The following SMTNL2 variants were observed in gnomAD, a reference collection of about 807,000 sequenced individuals.
SMTNL2 encodes the protein smoothelin like 2, also known as smoothelin-like protein 2.
In SMTNL2, 43 loss-of-function variants were observed where a neutral mutation model predicts 44.1. The ratio of observed to expected loss-of-function variants is 0.98; its 90% CI spans 0.76 to 1.26. The LOEUF is 1.26. Among genes scored for constraint, SMTNL2 ranks in the 50% most tolerant of loss-of-function variants. The pLI is 0.00. For synonymous variants in SMTNL2, 317 were observed against 287.6 expected (o/e 1.10, Z -1.03); for missense variants, 646 against 670.2 (o/e 0.96, Z 0.40).
chr17:4,594,945 C>T (rs1363493890), intron 4 of SMTNL2, 200 bp from the exon 5 acceptor site: 3 of 675,916 alleles, frequency 4.4e-6, no homozygotes, highest in Non-Finnish European at 7.5e-6. Flanking sequence ...TGAGTTGAGC[C>T]TATTGGCCAG....
At chr17:4,590,329 C>T (rs568256633) in intron 1 of SMTNL2, among the ~76,000 whole-genome samples, 4 of 152,138 alleles carry the variant, frequency 2.6e-5, no homozygotes, top group Non-Finnish European at 4.4e-5. Flanking sequence ...TCTTCAGGGG[C>T]TCCTCCTACG....
chr17:4,589,938 C>CTTTTTTTTTT (rs780984262), intron 1 of SMTNL2, among the ~76,000 whole-genome samples: 1 of 59,792 alleles, frequency 1.7e-5, no homozygotes. Flanking sequence ...ACGCACCTGG[C>CTTTTTTTTTT]TTTTTTTTTT....
Position 4,592,942 on chromosome 17 carries a change from A to G in SMTNL2, c.501A>G (p.Gly167=). The G allele has an allele frequency of 6.2e-7, 1 of 1,611,518 alleles. No homozygotes were observed. The highest frequency in any genetic ancestry group is 8.5e-7 in the Non-Finnish European group (1 of 1,178,328). Residue 167 remains glycine, a synonymous_variant, in exon 3 of 8, where the codon GGA becomes GGG. Coordinates refer to ENST00000389313, the MANE Select transcript of SMTNL2 (RefSeq NM_001114974.2). The surrounding 1 kb of genome is among the most constrained non-coding windows in gnomAD (Gnocchi z 4.5). The stretch of plus-strand genomic sequence containing the variant: ...CACATGTTCCAGGTCCAGGCGATGG[A>G]CCCCCTGAGATTGCCCAAAACTTCT... ...GHQPGAGPGD[G]PPEIAQNFSA...
chr17:4,604,604 TA>T (rs1460832054), intron 7 of SMTNL2, among the ~76,000 whole-genome samples: 1 of 152,138 alleles, frequency 6.6e-6, no homozygotes, highest in Non-Finnish European at 1.5e-5. Context: ...ACAAGATGCA[TA>T]AAGACACATT....
chr17:4,585,012 C>A lies in SMTNL2; in HGVS notation c.399+8C>A. On this transcript the variant is annotated splice_region_variant and intron_variant, in intron 1 of 7. Transcript: ENST00000389313. ...CTGTCCGGCCGCGGCCAGGTGAGCC[C>A]GGGGGAGCGCGTGCGCTGGCGCCAG... is the stretch of plus-strand genomic sequence containing the variant. The A allele has an allele frequency of 7.6e-7, 1 of 1,321,064 alleles. No individual in the cohort carries two copies. The highest frequency in any genetic ancestry group is 2.0e-5 in the South Asian group (1 of 50,652). The allele number at this position is 1,321,064 out of a possible 1,614,324, so 81.8% of individuals were successfully genotyped here. A position where few individuals can be genotyped will look rare whatever the true frequency, so the allele number is the denominator to read the frequency against.
chr17:4,607,412 G>A lies in SMTNL2; in HGVS notation c.1311G>A (p.Met437Ile). 1 of 1,614,190 alleles carries A rather than the reference G, an allele frequency of 6.2e-7. No individual in the cohort carries two copies. The highest frequency in any genetic ancestry group is 8.5e-7 in the Non-Finnish European group (1 of 1,180,042). The change falls in exon 8 of 8, where the codon ATG becomes ATA. Residue 437 changes from methionine to isoleucine, a missense_variant. Transcript: ENST00000389313. This position sits in a 1 kb window ranked among gnomAD's most constrained non-coding sequence, Gnocchi z 4.7. ...TCGAAGTGGAGGACATGATGGTGAT[G>A]GGCCGCAAGCCGGACCCCATGTGTG... ...RLIEVEDMMV[M>I]GRKPDPMCVF...
Position 4,596,937 on chromosome 17 carries a change from T to C in SMTNL2, c.1067T>C (p.Ile356Thr). ...GCCAGCGCCAGCAGCATCAAGCAGATCCTGCTCGAGTGGTGCCGCAGCAAG... is the reference window on the plus strand; with the variant it reads ...GCCAGCGCCAGCAGCATCAAGCAGACCCTGCTCGAGTGGTGCCGCAGCAAG... The part of the protein sequence containing the change: ...GVASASSIKQ[I>T]LLEWCRSKTL... Residue 356 changes from isoleucine (I) to threonine (T), a missense_variant, in exon 6 of 8, where the codon ATC (isoleucine) becomes ACC (threonine). Physicochemically the swap from Ile to Thr is moderately conservative, Grantham distance 89. Coordinates refer to ENST00000389313, the MANE Select transcript of SMTNL2 (RefSeq NM_001114974.2). 6.5e-7 allele frequency: 1 copy of C among 1,527,430 alleles called. No homozygotes were observed. The highest frequency in any genetic ancestry group is 8.8e-7 in the Non-Finnish European group (1 of 1,131,166). 94.6% of individuals were successfully genotyped at this position (1,527,430 alleles called of 1,614,324 possible). A position where few individuals can be genotyped will look rare whatever the true frequency, so the allele number is the denominator to read the frequency against.
upstream of SMTNL2, chr17:4,584,404 C>T: frequency 2.2e-6 from 1 of 458,072 alleles, no homozygotes; most frequent in Non-Finnish European, 3.4e-6. Flanking sequence ...GCTCTCCCTC[C>T]GCACCGTCCC....
intron 5 of SMTNL2, 124 bp from the exon 6 acceptor site, chr17:4,596,735 TG>T: frequency 1.3e-6 from 1 of 785,848 alleles, no homozygotes; most frequent in Admixed American, 3.4e-5. Context: ...GCATCTCCCC[TG>T]GGTGAGCAGA....
At chr17:4,591,106 G>C (rs1597410076) in intron 1 of SMTNL2, among the ~76,000 whole-genome samples, 1 of 152,142 alleles carries the variant, frequency 6.6e-6, no homozygotes, top group South Asian at 2.1e-4. Context: ...TGCCCCACTG[G>C]GTCAGATGAA....
Position 4,592,231 on chromosome 17 carries a change from C to G in SMTNL2, c.400-130C>G. ...TGTGACTTGGCCCGTCACTTTCTTC[C>G]TGGGGGCTGTTTTCTCTCAACATGA... On this transcript the variant is annotated intron_variant, in intron 1 of 7. Coordinates refer to ENST00000389313, the MANE Select transcript of SMTNL2 (RefSeq NM_001114974.2). The surrounding 1 kb of genome is among the most constrained non-coding windows in gnomAD (Gnocchi z 4.5). 1 of 838,500 alleles carries G rather than the reference C, an allele frequency of 1.2e-6. No individual in the cohort carries two copies. The highest frequency in any genetic ancestry group is 1.9e-6 in the Non-Finnish European group (1 of 528,080). The allele number at this position is 838,500 out of a possible 1,614,324, so 51.9% of individuals were successfully genotyped here.
At position 4,596,966 on chromosome 17, in the gene SMTNL2, CT is replaced by C; in HGVS notation, c.1097del (p.Leu366ArgfsTer38). On this transcript the variant is annotated frameshift_variant, in exon 6 of 8. Transcript: ENST00000389313. LOFTEE classifies it high-confidence loss of function. ...GCTCGAGTGGTGCCGCAGCAAGACG[CT>C]GGGCTACCAGGTGAGCCCCGGCTCC... ...ILLEWCRSKT[L>X]GYQHVDLQNF... The C allele has an allele frequency of 6.6e-7, 1 of 1,514,020 alleles. No homozygotes were observed. 93.8% of individuals were successfully genotyped at this position (1,514,020 alleles called of 1,614,324 possible).
intron 1 of SMTNL2, among the ~76,000 whole-genome samples, chr17:4,590,627 G>A (rs1909535374): frequency 6.6e-6 from 1 of 152,086 alleles, no homozygotes; most frequent in African/African-American, 2.4e-5. Flanking sequence ...CCAAGTCTGG[G>A]CTTGGGAGAG....
Position 4,598,763 on chromosome 17 carries a change from G to T in SMTNL2, c.1259+1440G>T, listed in dbSNP as rs1282186925. On this transcript the variant is annotated intron_variant, in intron 7 of 7. Transcript: ENST00000389313. This position sits in a 1 kb window ranked among gnomAD's most constrained non-coding sequence, Gnocchi z 4.8. ...TGTTAGAACCCAAGAGAAAGAGGTT[G>T]CAGTGAGCTGAGATCGCACCACTGT... Among the ~76,000 whole-genome samples, 3 of 152,000 alleles carry T rather than the reference G, an allele frequency of 2.0e-5. No homozygotes were observed. Among genetic ancestry groups the T allele is most frequent in the African/African-American group, 7.2e-5 (3 of 41,384 alleles).
intron 7 of SMTNL2, among the ~76,000 whole-genome samples, chr17:4,604,652 G>A (rs1910192826): frequency 6.6e-6 from 1 of 152,118 alleles, no homozygotes; most frequent in Non-Finnish European, 1.5e-5. Flanking sequence ...CACTGGGAGG[G>A]ACAGCAGAGG....
chr17:4,589,938 C>CTTTTTTT (rs780984262), intron 1 of SMTNL2, among the ~76,000 whole-genome samples: 2 of 59,792 alleles, frequency 3.3e-5, no homozygotes, highest in African/African-American at 7.0e-5. Flanking sequence ...ACGCACCTGG[C>CTTTTTTT]TTTTTTTTTT....
intron 1 of SMTNL2, among the ~76,000 whole-genome samples, chr17:4,589,542 C>T (rs914342183): frequency 5.9e-5 from 9 of 152,138 alleles, no homozygotes; most frequent in Non-Finnish European, 4.4e-5. Context: ...CCTGGCCTCT[C>T]CTCCTCCCAC....
In SMTNL2 at chr17:4,584,815, G is replaced by A; in HGVS notation, c.210G>A (p.Leu70=). ...VADLQRDNQR[L]QAQLERLTRQ... Reference sequence around the variant, plus strand: ...ACCTGCAGCGGGACAACCAGCGGCTGCAGGCGCAGCTCGAGCGCCTGACGC... The same window carrying A: ...ACCTGCAGCGGGACAACCAGCGGCTACAGGCGCAGCTCGAGCGCCTGACGC... Residue 70 remains leucine, a synonymous_variant, in exon 1 of 8, where the codon CTG becomes CTA. Transcript: ENST00000389313. 1 of 1,326,958 alleles carries A rather than the reference G, an allele frequency of 7.5e-7. No individual in the cohort carries two copies. Among genetic ancestry groups the A allele is most frequent in the South Asian group, 1.9e-5 (1 of 53,146 alleles). 82.2% of individuals were successfully genotyped at this position (1,326,958 alleles called of 1,614,324 possible). A position where few individuals can be genotyped will look rare whatever the true frequency, so the allele number is the denominator to read the frequency against.
At chr17:4,605,679 A>G (rs1288475242) in intron 7 of SMTNL2, among the ~76,000 whole-genome samples, 2 of 152,216 alleles carry the variant, frequency 1.3e-5, no homozygotes, top group Admixed American at 6.5e-5. Flanking sequence ...TTGATGGGAA[A>G]AAAAATAGAC....
Sources: gnomAD v4.1 joint callset for allele counts (sites outside exome capture counted in the v4.1 genomes callset) on GRCh38, gnomAD v4.1.1 for gene constraint, Gnocchi (gnomAD v3.1) non-coding constraint, MANE v1.5 for transcripts, NCBI Gene and HGNC (gene_info 2026-07-23, HGNC 2026-07-21) for gene names.